The following CDKAL1 variants were observed in gnomAD, a reference collection of about 807,000 sequenced individuals.
CDKAL1 encodes the protein CDKAL1 threonylcarbamoyladenosine tRNA methylthiotransferase.
In CDKAL1, 32 loss-of-function variants were observed where a neutral mutation model predicts 68.2. The ratio of observed to expected loss-of-function variants is 0.47; its 90% CI spans 0.35 to 0.63. The LOEUF is 0.63. Among genes scored for constraint, CDKAL1 ranks in the 30% least tolerant of loss-of-function variants. CDKAL1 has a pLI of 0.00. For missense variants in CDKAL1, 606 were observed against 696.7 expected (o/e 0.87, Z 1.47); for synonymous variants, 234 against 244.3 (o/e 0.96, Z 0.39).
chr6:20,930,995 G>A (rs1037923730), intron 9 of CDKAL1, among the ~76,000 whole-genome samples: 3 of 150,098 alleles, frequency 2.0e-5, no homozygotes, highest in Non-Finnish European at 3.0e-5. Flanking sequence ...CGCCCGCCTC[G>A]GCCTCCCAAA....
intron 2 of CDKAL1, among the ~76,000 whole-genome samples, chr6:20,540,874 A>G (rs1763363948): frequency 6.6e-6 from 1 of 152,222 alleles, no homozygotes; most frequent in Admixed American, 6.5e-5. Flanking sequence ...ATGTAAGCAT[A>G]GACGTAGTTC....
chr6:20,842,941 T>C (rs1273584601), intron 8 of CDKAL1, among the ~76,000 whole-genome samples: 1 of 152,246 alleles, frequency 6.6e-6, no homozygotes, highest in Non-Finnish European at 1.5e-5. Flanking sequence ...ATATTCTTAG[T>C]TGCTTATTTT....
At chr6:20,990,637 G>T (rs570913850) in intron 10 of CDKAL1, among the ~76,000 whole-genome samples, 1 of 152,056 alleles carries the variant, frequency 6.6e-6, no homozygotes, top group Admixed American at 6.5e-5. Flanking sequence ...CCTTTCTTGC[G>T]CTCCCTCATT....
chr6:20,892,595 T>C (rs1761466899), intron 9 of CDKAL1, among the ~76,000 whole-genome samples: 1 of 152,168 alleles, frequency 6.6e-6, no homozygotes, highest in African/African-American at 2.4e-5. Flanking sequence ...TATTTATATA[T>C]ATGTTTGAGG....
intron 10 of CDKAL1, among the ~76,000 whole-genome samples, chr6:20,985,966 T>G (rs940785586): frequency 6.6e-6 from 1 of 152,206 alleles, no homozygotes; most frequent in African/African-American, 2.4e-5. Flanking sequence ...ATTTTTTCCA[T>G]TCTCTCATCA....
At chr6:20,609,545 A>ATG (rs1766521599) in intron 4 of CDKAL1, among the ~76,000 whole-genome samples, 1 of 150,998 alleles carries the variant, frequency 6.6e-6, no homozygotes, top group Non-Finnish European at 1.5e-5. Flanking sequence ...ACAGGTGTGC[A>ATG]CCACCACGCC....
At chr6:20,987,336 G>C (rs967347258) in intron 10 of CDKAL1, among the ~76,000 whole-genome samples, 2 of 149,468 alleles carry the variant, frequency 1.3e-5, no homozygotes, top group East Asian at 3.9e-4. Context: ...TCAGCTCACT[G>C]CAACCTCTGC....
In CDKAL1 at chr6:20,548,646, A is replaced by G. The variant is rs202056788; in HGVS notation, c.227A>G (p.Asn76Ser). Residue 76 changes from asparagine to serine, a missense_variant, in exon 4 of 16, where the codon AAT becomes AGT. Transcript: ENST00000274695. The stretch of plus-strand genomic sequence containing the variant: ...ATACGAACATGGGGTTGTTCTCATA[A>G]TAATTCAGATGGAGAATATATGGCT... Reference protein sequence around the residue: ...IWIRTWGCSHNNSDGEYMAGQ... With the variant: ...IWIRTWGCSHSNSDGEYMAGQ... 82 of 1,603,446 alleles carry G rather than the reference A, an allele frequency of 5.1e-5. No individual in the cohort carries two copies. Among genetic ancestry groups the G allele is most frequent in the Admixed American group, 6.7e-5 (4 of 59,696 alleles).
At chr6:21,184,698 TGGA>T (rs1777935712) in intron 13 of CDKAL1, among the ~76,000 whole-genome samples, 21 of 152,316 alleles carry the variant, frequency 1.4e-4, no homozygotes, top group Admixed American at 1.2e-3. Context: ...GTTCCCAGGC[TGGA>T]GTACAGTGGC....
At chr6:21,118,258 A>T (rs1050736424) in intron 13 of CDKAL1, among the ~76,000 whole-genome samples, 1 of 152,214 alleles carries the variant, frequency 6.6e-6, no homozygotes, top group East Asian at 1.9e-4. Context: ...ATAGGCATCC[A>T]CTAGAGAAGT....
In CDKAL1 at chr6:20,940,411, C is replaced by A. The variant is rs759075378; in HGVS notation, c.743-15008C>A. Among the ~76,000 whole-genome samples, 239 of 151,876 alleles carry A rather than the reference C, an allele frequency of 1.6e-3. 2 individuals carry two copies. The highest frequency in any genetic ancestry group is 3.4e-3 in the Middle Eastern group (1 of 292). ...TTCTATACCTTATAACAGTGCTGCC[C>A]AGTAGAAATATATGAGCCATATGTA... On this transcript the variant is annotated intron_variant, in intron 9 of 15. Coordinates refer to ENST00000274695, the MANE Select transcript of CDKAL1 (RefSeq NM_017774.3).
At chr6:21,148,174 C>T (rs1332061330) in intron 13 of CDKAL1, among the ~76,000 whole-genome samples, 1 of 152,106 alleles carries the variant, frequency 6.6e-6, no homozygotes, top group Non-Finnish European at 1.5e-5. Flanking sequence ...TTGGAAGCTT[C>T]AGTTAATAAA....
chr6:20,684,192 C>T (rs1444396649), intron 5 of CDKAL1, among the ~76,000 whole-genome samples: 5 of 152,074 alleles, frequency 3.3e-5, no homozygotes, highest in African/African-American at 7.2e-5. Flanking sequence ...CTGTAATCCC[C>T]GCACTTTGGG....
rs144381793 is a variant in CDKAL1, at chr6:20,647,334, T to G, written c.287-1959T>G. On this transcript the variant is annotated intron_variant, in intron 4 of 15. Coordinates refer to ENST00000274695, the MANE Select transcript of CDKAL1 (RefSeq NM_017774.3). Reference sequence around the variant, plus strand: ...TGAAGCTCATTTCTAACGATCACTATGGCCTTCCAAGCTTTAGGAGATTGG... The same window carrying G: ...TGAAGCTCATTTCTAACGATCACTAGGGCCTTCCAAGCTTTAGGAGATTGG... Among the ~76,000 whole-genome samples the G allele has an allele frequency of 1.1e-3, 171 of 152,342 alleles. 1 individual carries two copies. The highest frequency in any genetic ancestry group is 2.9e-3 in the Admixed American group (44 of 15,304).
chr6:20,963,400 C>A (rs916724647), intron 10 of CDKAL1, among the ~76,000 whole-genome samples: 1 of 151,990 alleles, frequency 6.6e-6, no homozygotes, highest in Admixed American at 6.6e-5. Context: ...GTCCAGGCCT[C>A]AGCCCCTAAT....
chr6:20,809,721 G>C (rs551169049), intron 8 of CDKAL1, among the ~76,000 whole-genome samples: 274 of 152,278 alleles, frequency 1.8e-3, no homozygotes, highest in Admixed American at 2.8e-3. Context: ...AACGTAGAAA[G>C]GAAGAAGTCA....
At chr6:20,942,571 TAGTC>T (rs1010486379) in intron 9 of CDKAL1, among the ~76,000 whole-genome samples, 43 of 150,724 alleles carry the variant, frequency 2.9e-4, no homozygotes, top group African/African-American at 9.4e-4. Context: ...TTCTCCATCT[TAGTC>T]AGGCTGGTCT....
At chr6:20,667,452 C>T (rs1341141148) in intron 5 of CDKAL1, among the ~76,000 whole-genome samples, 1 of 151,684 alleles carries the variant, frequency 6.6e-6, no homozygotes, top group African/African-American at 2.4e-5. Flanking sequence ...CAAGTCTATA[C>T]TCATCCTGGG....
chr6:21,212,041 G>A (rs771352291), intron 15 of CDKAL1, among the ~76,000 whole-genome samples: 1 of 152,144 alleles, frequency 6.6e-6, no homozygotes, highest in Non-Finnish European at 1.5e-5. Flanking sequence ...GATTACAGGT[G>A]TGAGCCTCCG....
Sources: allele counts gnomAD v4.1 joint callset (sites outside exome capture counted in the v4.1 genomes callset), GRCh38; gene constraint gnomAD v4.1.1; transcripts MANE v1.5; gene names NCBI Gene and HGNC (gene_info 2026-07-23, HGNC 2026-07-21).